DGKB: variants seen among roughly 807,000 people sequenced by gnomAD.
DGKB encodes 90 kDa diacylglycerol kinase.
In DGKB, 67 loss-of-function variants were observed where a neutral mutation model predicts 114.3. The ratio of observed to expected loss-of-function variants is 0.59; its 90% confidence interval spans 0.48 to 0.72. The LOEUF is 0.72. Ranked by LOEUF, DGKB falls within the 30% of genes least tolerant of loss-of-function variation. DGKB has a pLI of 0.00. For missense variants in DGKB, 907 were observed against 975.2 expected (o/e 0.93, Z 0.93); for synonymous variants, 398 against 323.1 (o/e 1.23, Z -2.49).
intron 13 of DGKB, among the ~76,000 whole-genome samples, chr7:14,639,445 T>C (rs1434722388): frequency 2.0e-5 from 3 of 152,198 alleles, no homozygotes; most frequent in African/African-American, 7.2e-5. Context: ...AAGCAGATCC[T>C]TTGCTACCTT....
intron 21 of DGKB, among the ~76,000 whole-genome samples, chr7:14,465,044 G>GA (rs962768694): frequency 2.0e-4 from 31 of 152,262 alleles, no homozygotes; most frequent in African/African-American, 7.2e-4. Flanking sequence ...GTGGGCATTG[G>GA]ACATGGGTAT....
chr7:14,673,076 T>A, intron 12 of DGKB, 49 bp from the exon 13 acceptor site: 1 of 1,023,252 alleles, frequency 9.8e-7, no homozygotes, highest in Non-Finnish European at 1.5e-6. Flanking sequence ...TGACAACGCC[T>A]AACATGGGGG....
intron 22 of DGKB, among the ~76,000 whole-genome samples, chr7:14,341,866 G>A (rs1811657044): frequency 6.6e-6 from 1 of 151,898 alleles, no homozygotes; most frequent in Non-Finnish European, 1.5e-5. Context: ...AGCTCTAAGT[G>A]TGGATGGTAA....
chr7:14,735,020 G>C (rs1831502312), intron 5 of DGKB, among the ~76,000 whole-genome samples: 1 of 152,188 alleles, frequency 6.6e-6, no homozygotes, highest in Admixed American at 6.5e-5. Context: ...TTGAATCTCT[G>C]CAGCGTTTCA....
rs141739484 is a variant in DGKB at position 14,215,991 on chromosome 7, C to CTCTT, written c.2123-37844_2123-37841dup. 0.022 allele frequency among the ~76,000 whole-genome samples: 3,361 copies of CTCTT among 152,152 alleles called. 245 individuals carry two copies. The East Asian group carries it at 0.24, about 11-fold the overall frequency. On this transcript the variant is annotated intron_variant, in intron 23 of 25. Transcript: ENST00000402815. ...GATTCATTCACAAACAGTTACAAAC[C>CTCTT]TCTTACTATATACCAAGTTTTATGT...
chr7:14,436,950 G>A (rs1217174136), intron 21 of DGKB, among the ~76,000 whole-genome samples: 1 of 151,982 alleles, frequency 6.6e-6, no homozygotes, highest in Non-Finnish European at 1.5e-5. Flanking sequence ...TGCTTTCCTA[G>A]TATCCATTAA....
intron 20 of DGKB, among the ~76,000 whole-genome samples, chr7:14,512,205 T>A (rs539959141): frequency 2.6e-5 from 4 of 152,322 alleles, no homozygotes; most frequent in Non-Finnish European, 4.4e-5. Context: ...AAATGAGGTA[T>A]GCTTGTACTT....
intron 20 of DGKB, among the ~76,000 whole-genome samples, chr7:14,489,685 T>C (rs10260921): frequency 3.8e-4 from 58 of 152,116 alleles, no homozygotes; most frequent in African/African-American, 1.3e-3. Context: ...TAAACTGAAG[T>C]GGGGAATGAC....
At chr7:14,522,257 T>A (rs771814052) in intron 20 of DGKB, among the ~76,000 whole-genome samples, 3 of 152,154 alleles carry the variant, frequency 2.0e-5, no homozygotes, top group Admixed American at 6.6e-5. Context: ...TTGTCGCACA[T>A]GCATAGATAG....
At chr7:14,679,077 T>C (rs553974346) in intron 12 of DGKB, among the ~76,000 whole-genome samples, 1 of 151,950 alleles carries the variant, frequency 6.6e-6, no homozygotes, top group African/African-American at 2.4e-5. Flanking sequence ...GGATTCTGGA[T>C]GTTTTTTTGA....
intron 23 of DGKB, among the ~76,000 whole-genome samples, chr7:14,313,426 C>T (rs888241088): frequency 9.9e-5 from 15 of 151,914 alleles, no homozygotes; most frequent in South Asian, 2.1e-4. Context: ...GCACAGTGCG[C>T]GAGCCGAAGC....
intron 20 of DGKB, among the ~76,000 whole-genome samples, chr7:14,560,769 G>A (rs1796539242): frequency 6.6e-6 from 1 of 151,990 alleles, no homozygotes; most frequent in African/African-American, 2.4e-5. Context: ...TTCATTTTTT[G>A]AGAAACCTCC....
At position 14,701,676 on chromosome 7, in the gene DGKB, A is replaced by G; in HGVS notation, c.516+5T>C. ...TTTCACAGAAACTTTGAAGAAAAAA[A>G]TTACCGAGCTGTCCAGGAAGCCATT... On this transcript the variant is annotated splice_donor_5th_base_variant and intron_variant, in intron 7 of 25. Coordinates refer to ENST00000402815, the MANE Select transcript of DGKB (RefSeq NM_001350709.2). 6.2e-7 allele frequency: 1 copy of G among 1,604,510 alleles called. No individual in the cohort carries two copies.
chr7:14,190,606 G>T (rs765144172), intron 23 of DGKB, among the ~76,000 whole-genome samples: 3 of 151,746 alleles, frequency 2.0e-5, no homozygotes, highest in Non-Finnish European at 4.4e-5. Flanking sequence ...ACAAAATGAA[G>T]AATTTGTTTT....
At chr7:14,205,594 C>A (rs1180787896) in intron 23 of DGKB, among the ~76,000 whole-genome samples, 2 of 151,992 alleles carry the variant, frequency 1.3e-5, no homozygotes, top group East Asian at 3.9e-4. Context: ...CTGAGACTAT[C>A]TTCAAAGATT....
chr7:14,544,996 T>A (rs1053429079), intron 20 of DGKB, among the ~76,000 whole-genome samples: 28 of 152,084 alleles, frequency 1.8e-4, no homozygotes, highest in African/African-American at 6.0e-4. Context: ...GTTTTTTTTT[T>A]TAAAAAACAG....
At chr7:14,677,291 T>A (rs2128958348) in intron 12 of DGKB, among the ~76,000 whole-genome samples, 1 of 151,920 alleles carries the variant, frequency 6.6e-6, no homozygotes, top group Non-Finnish European at 1.5e-5. Context: ...TCATAGGAAT[T>A]TAGAGGAAAA....
intron 1 of DGKB, among the ~76,000 whole-genome samples, chr7:14,889,707 A>C (rs1358653581): frequency 6.6e-6 from 1 of 151,658 alleles, no homozygotes; most frequent in Non-Finnish European, 1.5e-5. Context: ...AGCAATCTAA[A>C]GTAGAAATGG....
At chr7:14,502,196 G>A (rs1463760522) in intron 20 of DGKB, among the ~76,000 whole-genome samples, 1 of 151,874 alleles carries the variant, frequency 6.6e-6, no homozygotes, top group Non-Finnish European at 1.5e-5. Context: ...TGGAAAGCTT[G>A]TTTTGGAAAA....
Sources: gnomAD v4.1 joint callset for allele counts (sites outside exome capture counted in the v4.1 genomes callset) on GRCh38, gnomAD v4.1.1 for gene constraint, MANE v1.5 for transcripts, NCBI Gene and HGNC (gene_info 2026-07-23, HGNC 2026-07-21) for gene names.